Variants in NXPE2 observed in about 807,000 individuals in gnomAD.
NXPE2 encodes neurexophilin and PC-esterase domain family member 2.
NXPE2 carries 34 observed loss-of-function variants against 34.4 expected under a neutral mutation model. That is an observed-to-expected ratio of 0.99 (90% CI 0.75 to 1.31). The LOEUF is 1.31. Among genes scored for constraint, NXPE2 ranks in the 40% most tolerant of loss-of-function variants. The pLI, the probability that NXPE2 is intolerant of heterozygous loss-of-function variation, is 0.00. For missense variants in NXPE2, 649 were observed against 672.5 expected (o/e 0.97, Z 0.39); for synonymous variants, 235 against 231.3 (o/e 1.02, Z -0.15).
the NXPE2 span, chr11:114,583,115 G>A: frequency 7.6e-7 from 1 of 1,323,214 alleles, no homozygotes; most frequent in African/African-American, 1.5e-5. Flanking sequence ...AAATTAACAT[G>A]TTCCTAGTCA....
intron 4 of NXPE2, among the ~76,000 whole-genome samples, chr11:114,705,134 T>A (rs2135573536): frequency 6.6e-6 from 1 of 152,100 alleles, no homozygotes; most frequent in East Asian, 1.9e-4. Flanking sequence ...TCAATAGGAG[T>A]CAGTAAATAC....
the NXPE2 span, among the ~76,000 whole-genome samples, chr11:114,535,651 G>A: frequency 1.3e-5 from 2 of 152,100 alleles, no homozygotes; most frequent in Non-Finnish European, 2.9e-5. Context: ...GGATAAAACA[G>A]ACTTAAACCA....
the NXPE2 span, among the ~76,000 whole-genome samples, chr11:114,568,804 A>G: frequency 2.0e-5 from 3 of 152,060 alleles, no homozygotes; most frequent in Non-Finnish European, 4.4e-5. Context: ...CACTGATGTG[A>G]TATGCTTTGT....
the NXPE2 span, among the ~76,000 whole-genome samples, chr11:114,503,753 A>G: frequency 3.3e-5 from 5 of 152,242 alleles, no homozygotes; most frequent in Non-Finnish European, 5.9e-5. Flanking sequence ...ATAATACAAT[A>G]TCTCTGAAAT....
chr11:114,675,173 AAC>A (rs1226030189), upstream of NXPE2, among the ~76,000 whole-genome samples: 1 of 151,806 alleles, frequency 6.6e-6, no homozygotes, highest in Non-Finnish European at 1.5e-5. Flanking sequence ...CAACACAATA[AAC>A]ACTATATATG....
At chr11:114,631,598 C>T in the NXPE2 span, among the ~76,000 whole-genome samples, 2 of 151,718 alleles carry the variant, frequency 1.3e-5, no homozygotes, top group Non-Finnish European at 2.9e-5. Flanking sequence ...GGGTGCAGCG[C>T]ACCAGCATGG....
At chr11:114,805,187 A>G in the NXPE2 span, among the ~76,000 whole-genome samples, 1 of 147,828 alleles carries the variant, frequency 6.8e-6, no homozygotes, top group Non-Finnish European at 1.5e-5. Context: ...TGGGACCACA[A>G]GGAGTTTTTT....
the NXPE2 span, among the ~76,000 whole-genome samples, chr11:114,547,033 G>A: frequency 6.6e-6 from 1 of 152,160 alleles, no homozygotes; most frequent in Non-Finnish European, 1.5e-5. Context: ...TCCAGATAAT[G>A]TATGCAGATT....
chr11:114,474,313 GC>G, the NXPE2 span, among the ~76,000 whole-genome samples: 1 of 152,256 alleles, frequency 6.6e-6, no homozygotes, highest in East Asian at 1.9e-4. Flanking sequence ...CAAAGGTTGA[GC>G]CCCAGGGCAC....
the NXPE2 span, among the ~76,000 whole-genome samples, chr11:114,572,514 A>G: frequency 6.6e-6 from 1 of 152,240 alleles, no homozygotes; most frequent in East Asian, 1.9e-4. Flanking sequence ...GATAGTATAA[A>G]TAAAAAACAA....
the NXPE2 span, among the ~76,000 whole-genome samples, chr11:114,812,617 A>T: frequency 6.6e-6 from 1 of 152,180 alleles, no homozygotes; most frequent in Admixed American, 6.5e-5. Context: ...GCAAAGTTTC[A>T]GGGCTTAAAC....
the NXPE2 span, among the ~76,000 whole-genome samples, chr11:114,625,695 C>A: frequency 6.6e-6 from 1 of 152,126 alleles, no homozygotes; most frequent in African/African-American, 2.4e-5. Flanking sequence ...GTAGGAACAG[C>A]CCCGGTCTAC....
the NXPE2 span, among the ~76,000 whole-genome samples, chr11:114,614,115 TA>T: frequency 6.6e-6 from 1 of 151,874 alleles, no homozygotes; most frequent in East Asian, 2.0e-4. Context: ...GCCTCGTGGG[TA>T]ACCAGTGTTA....
chr11:114,697,942 AT>A (rs1951289581), intron 2 of NXPE2, 102 bp from the exon 3 acceptor site: 1 of 1,133,444 alleles, frequency 8.8e-7, no homozygotes, highest in Non-Finnish European at 1.2e-6. Context: ...TTGATATTTA[AT>A]TTATCACACT....
At chr11:114,784,769 C>T in the NXPE2 span, among the ~76,000 whole-genome samples, 3 of 152,056 alleles carry the variant, frequency 2.0e-5, no homozygotes, top group Admixed American at 2.0e-4. Context: ...AAAGAGATAC[C>T]GCCAAATAGT....
chr11:114,696,163 C>G (rs544428442), intron 2 of NXPE2, among the ~76,000 whole-genome samples: 45 of 151,350 alleles, frequency 3.0e-4, no homozygotes, highest in African/African-American at 1.0e-3. Context: ...ATGGTAAAAC[C>G]CCACCTCTAT....
At chr11:114,491,981 G>A in the NXPE2 span, among the ~76,000 whole-genome samples, 2 of 152,122 alleles carry the variant, frequency 1.3e-5, no homozygotes, top group Non-Finnish European at 2.9e-5. Context: ...GACACAGGAA[G>A]GGGAACATCA....
At chr11:114,480,989 C>T in the NXPE2 span, among the ~76,000 whole-genome samples, 1 of 152,238 alleles carries the variant, frequency 6.6e-6, no homozygotes. Context: ...GAGGGACCTG[C>T]CTCAAACAAG....
intron 2 of NXPE2, among the ~76,000 whole-genome samples, chr11:114,697,644 T>C (rs570988564): frequency 3.9e-4 from 60 of 152,332 alleles, no homozygotes; most frequent in African/African-American, 1.3e-3. Flanking sequence ...ATATACATTC[T>C]TTCCCAGTGC....
Sources: gnomAD v4.1 joint callset for allele counts (sites outside exome capture counted in the v4.1 genomes callset) on GRCh38, gnomAD v4.1.1 for gene constraint, MANE v1.5 for transcripts, NCBI Gene and HGNC (gene_info 2026-07-23, HGNC 2026-07-21) for gene names.